The following RBFOX1 variants were observed in gnomAD, a reference collection of about 807,000 sequenced individuals.
The protein encoded by RBFOX1 is RNA binding fox-1 homolog 1, also known as RNA binding protein fox-1 homolog 1.
In RBFOX1, 8 loss-of-function variants were observed where a neutral mutation model predicts 57.7. The ratio of observed to expected loss-of-function variants is 0.14; its 90% CI spans 0.08 to 0.25. RBFOX1 has a LOEUF of 0.25. Among genes scored for constraint, RBFOX1 ranks in the 10% least tolerant of loss-of-function variants. RBFOX1 has a pLI of 1.00. For missense variants in RBFOX1, 611 were observed against 548.5 expected, an observed-to-expected ratio of 1.11 and a Z score of -1.14; for synonymous variants, 326 against 222.4, an observed-to-expected ratio of 1.47 and a Z score of -4.15.
At chr16:5,972,384 T>C (rs2152300598) in intron 4 of RBFOX1, among the ~76,000 whole-genome samples, 1 of 152,364 alleles carries the variant, frequency 6.6e-6, no homozygotes, top group East Asian at 1.9e-4. Flanking sequence ...GTGCATGATA[T>C]GCATGGTGAT....
At chr16:7,117,822 G>T (rs528565178) in intron 4 of RBFOX1, among the ~76,000 whole-genome samples, 1 of 152,258 alleles carries the variant, frequency 6.6e-6, no homozygotes, top group South Asian at 2.1e-4. Flanking sequence ...ATCTCGAACA[G>T]GATCTGCTTT....
downstream of RBFOX1, among the ~76,000 whole-genome samples, chr16:5,602,885 TAAG>T (rs763266790): frequency 2.6e-5 from 4 of 152,188 alleles, no homozygotes; most frequent in Non-Finnish European, 5.9e-5. Context: ...TCTGGACTGT[TAAG>T]AAGGTTTTCC....
At position 6,602,754 on chromosome 16, in the gene RBFOX1, C is replaced by G. The variant is rs554376325; in HGVS notation, c.-63-51849C>G. On this transcript the variant is annotated intron_variant, in intron 2 of 15. Coordinates refer to ENST00000550418, the MANE Select transcript of RBFOX1 (RefSeq NM_018723.4). ...ATTTTTTTTCCACTTGCTGCTTTAT[C>G]CCTTCTGTGCATTCCTCTTGCTATC... Among the ~76,000 whole-genome samples, 4 of 152,182 alleles carry G rather than the reference C, an allele frequency of 2.6e-5. No individual in the cohort carries two copies. The South Asian group carries it at 8.3e-4, about 32-fold the overall frequency.
chr16:7,468,470 T>TG (rs1340648933), intron 4 of RBFOX1, among the ~76,000 whole-genome samples: 1 of 151,594 alleles, frequency 6.6e-6, no homozygotes, highest in Admixed American at 6.6e-5. Context: ...TTTTTTTTTT[T>TG]TTTTCCTGGT....
intron 1 of RBFOX1, among the ~76,000 whole-genome samples, chr16:6,040,499 G>A (rs1236800167): frequency 6.6e-6 from 1 of 152,084 alleles, no homozygotes. Flanking sequence ...TTAGCATCTT[G>A]TCCTCAGGGT....
intron 3 of RBFOX1, among the ~76,000 whole-genome samples, chr16:5,632,289 G>A (rs984030814): frequency 6.6e-6 from 1 of 152,240 alleles, no homozygotes; most frequent in African/African-American, 2.4e-5. Flanking sequence ...AGTTACACCT[G>A]CTGGGTTCCC....
intron 4 of RBFOX1, among the ~76,000 whole-genome samples, chr16:7,392,998 C>G (rs536840963): frequency 3.1e-4 from 47 of 152,188 alleles, no homozygotes; most frequent in African/African-American, 1.1e-3. Flanking sequence ...TTCAGCCTCC[C>G]GTATAGCTGG....
intron 4 of RBFOX1, among the ~76,000 whole-genome samples, chr16:7,507,332 G>A (rs1313090036): frequency 6.6e-6 from 1 of 152,218 alleles, no homozygotes; most frequent in East Asian, 1.9e-4. Context: ...TCTCATGTGT[G>A]TAGATTATTT....
chr16:5,711,808 A>T (rs1005306555), intron 3 of RBFOX1, among the ~76,000 whole-genome samples: 1 of 152,244 alleles, frequency 6.6e-6, no homozygotes, highest in Non-Finnish European at 1.5e-5. Context: ...AGGACCCAGC[A>T]CTTGACAGGC....
At chr16:6,561,508 G>A (rs1025481111) in intron 2 of RBFOX1, among the ~76,000 whole-genome samples, 1 of 152,132 alleles carries the variant, frequency 6.6e-6, no homozygotes, top group African/African-American at 2.4e-5. Context: ...TATGGATATG[G>A]GTTTAATGTT....
At chr16:5,263,788 T>G (rs932120921) in intron 1 of RBFOX1, among the ~76,000 whole-genome samples, 10 of 152,238 alleles carry the variant, frequency 6.6e-5, no homozygotes, top group African/African-American at 2.4e-4. Flanking sequence ...TGGGGGTCTT[T>G]GAGATACAGA....
rs377721604 is a variant in RBFOX1, at chr16:6,872,236, T to G, written c.-15-179821T>G. 1.1e-4 allele frequency among the ~76,000 whole-genome samples: 17 copies of G among 152,266 alleles called. No individual in the cohort carries two copies. In the South Asian group the frequency reaches 3.5e-3, roughly 32 times the overall value. On this transcript the variant is annotated intron_variant, in intron 3 of 15. Coordinates refer to ENST00000550418, the MANE Select transcript of RBFOX1 (RefSeq NM_018723.4). Reference sequence around the variant, plus strand: ...TGGAGACCAGCACATAGTAGAGATTTAATAATTGTTGTGTAAATGAATAAA... The same window carrying G: ...TGGAGACCAGCACATAGTAGAGATTGAATAATTGTTGTGTAAATGAATAAA...
intron 4 of RBFOX1, among the ~76,000 whole-genome samples, chr16:7,366,066 C>T (rs2097439245): frequency 6.6e-6 from 1 of 152,146 alleles, no homozygotes; most frequent in Non-Finnish European, 1.5e-5. Flanking sequence ...AGGTCCAGGG[C>T]TCATCACTGA....
At chr16:7,317,788 T>C (rs990020459) in intron 4 of RBFOX1, among the ~76,000 whole-genome samples, 3 of 152,218 alleles carry the variant, frequency 2.0e-5, no homozygotes. Flanking sequence ...TGGGCATGTT[T>C]CTCGACTTCT....
At chr16:6,743,400 C>T (rs866159111) in intron 3 of RBFOX1, among the ~76,000 whole-genome samples, 1 of 152,070 alleles carries the variant, frequency 6.6e-6, no homozygotes, top group African/African-American at 2.4e-5. Flanking sequence ...AAAATAAGAT[C>T]AAATTATAGG....
At chr16:5,861,041 C>T (rs944493082) in intron 3 of RBFOX1, among the ~76,000 whole-genome samples, 3 of 152,110 alleles carry the variant, frequency 2.0e-5, no homozygotes, top group African/African-American at 7.2e-5. Flanking sequence ...GGCTGGTGTA[C>T]CAGAGAGAAC....
chr16:7,358,457 G>T (rs914907009), intron 4 of RBFOX1, among the ~76,000 whole-genome samples: 1 of 151,680 alleles, frequency 6.6e-6, no homozygotes, highest in Non-Finnish European at 1.5e-5. Context: ...GTTTTGTTCT[G>T]TCGCCCAGGC....
intron 4 of RBFOX1, among the ~76,000 whole-genome samples, chr16:7,435,545 C>T (rs960919492): frequency 2.6e-5 from 4 of 152,160 alleles, no homozygotes; most frequent in Non-Finnish European, 4.4e-5. Context: ...GCTTCACCTC[C>T]TTGAAGCAGC....
At chr16:7,044,919 A>G (rs1442240480) in intron 3 of RBFOX1, among the ~76,000 whole-genome samples, 2 of 152,092 alleles carry the variant, frequency 1.3e-5, no homozygotes, top group Non-Finnish European at 2.9e-5. Context: ...GAGCCTCATT[A>G]GTTGCAGCAA....
Sources: allele counts gnomAD v4.1 joint callset (sites outside exome capture counted in the v4.1 genomes callset), GRCh38; gene constraint gnomAD v4.1.1; transcripts MANE v1.5; gene names NCBI Gene and HGNC (gene_info 2026-07-23, HGNC 2026-07-21).